Variants in CYB5R3 observed in about 807,000 individuals in gnomAD.
The protein encoded by CYB5R3 is cytochrome b5 reductase 3.
A neutral mutation model predicts 36.5 loss-of-function variants in CYB5R3; 28 were observed. The observed-to-expected ratio is 0.77, with a 90% confidence interval of 0.57 to 1.05. The LOEUF (loss-of-function observed/expected upper bound fraction) is 1.05, where lower values mean the gene tolerates loss of function less well. Ranked by LOEUF, CYB5R3 falls within the 50% of genes least tolerant of loss-of-function variation. The probability of loss-of-function intolerance (pLI) is 0.00; values close to 1 mark genes in which losing one functional copy is unlikely to be tolerated. For missense variants in CYB5R3, 474 were observed against 408.9 expected (o/e 1.16, Z -1.37); for synonymous variants, 181 against 159.8 (o/e 1.13, Z -1.00).
rs765326176 is a variant in CYB5R3 at position 42,627,607 on chromosome 22, G to A, written c.545C>T (p.Thr182Ile). 1 of 1,613,804 alleles carries A rather than the reference G, an allele frequency of 6.2e-7. No individual in the cohort carries two copies. Among genetic ancestry groups the A allele is most frequent in the Non-Finnish European group, 8.5e-7 (1 of 1,179,676 alleles). Residue 182 changes from threonine to isoleucine, a missense_variant and splice_region_variant, in exon 6 of 9, where the codon ACA becomes ATA. Coordinates refer to ENST00000352397, the MANE Select transcript of CYB5R3 (RefSeq NM_000398.7). ...VKSVGMIAGG[T>I]GITPMLQVIR... is the part of the protein sequence containing the mutation. Reference sequence around the variant, plus strand: ...CCTCAGTGGGGGGTTCCGTGTACCTGTCCCTCCCGCGATCATGCCCACAGA... The same window carrying A: ...CCTCAGTGGGGGGTTCCGTGTACCTATCCCTCCCGCGATCATGCCCACAGA...
At chr22:42,625,383 C>T (rs1164785043) in intron 7 of CYB5R3, among the ~76,000 whole-genome samples, 2 of 152,012 alleles carry the variant, frequency 1.3e-5, no homozygotes, top group Non-Finnish European at 2.9e-5. Flanking sequence ...TGGCGGGCAC[C>T]TGTAATCGCA....
chr22:42,624,976 T>C (rs1928190332), intron 7 of CYB5R3, among the ~76,000 whole-genome samples: 1 of 151,982 alleles, frequency 6.6e-6, no homozygotes, highest in Non-Finnish European at 1.5e-5. Context: ...CCTCAACACA[T>C]CCCAGGGAAC....
chr22:42,631,563 A>G, intron 2 of CYB5R3, 113 bp from the exon 3 acceptor site: 1 of 910,610 alleles, frequency 1.1e-6, no homozygotes, highest in Admixed American at 2.0e-5. Context: ...ACCCTTCCCC[A>G]GTGCCTGCTT....
intron 1 of CYB5R3, among the ~76,000 whole-genome samples, chr22:42,643,895 T>C (rs1601950824): frequency 1.3e-5 from 2 of 152,210 alleles, no homozygotes; most frequent in East Asian, 1.9e-4. Context: ...GCCCCTGAGC[T>C]GGCACTGTTC....
chr22:42,634,831 G>A (rs1470605151), intron 2 of CYB5R3, among the ~76,000 whole-genome samples: 2 of 123,794 alleles, frequency 1.6e-5, no homozygotes, highest in Non-Finnish European at 3.3e-5. Context: ...TTGAGACAGC[G>A]TCTTGCTCTG....
rs1928411262 is a variant in CYB5R3, at chr22:42,628,289, A to G, written c.334-8T>C. ...GGTGTCCTTGAAGTAAACCTGCAAG[A>G]CACCCCCGCAGCCCTCAGTCCCCAG... On this transcript the variant is annotated splice_polypyrimidine_tract_variant and splice_region_variant and intron_variant, in intron 4 of 8. Transcript: ENST00000352397. 2 of 1,613,298 alleles carry G rather than the reference A, an allele frequency of 1.2e-6. No homozygotes were observed. Among genetic ancestry groups the G allele is most frequent in the Non-Finnish European group, 1.7e-6 (2 of 1,179,620 alleles).
Position 42,631,436 on chromosome 22 carries a change from G to A in CYB5R3, c.168C>T (p.Asp56=). The A allele has an allele frequency of 6.4e-7, 1 of 1,551,656 alleles. No homozygotes were observed. The highest frequency in any genetic ancestry group is 1.2e-5 in the South Asian group (1 of 84,064). ...GCAGGGCAAAGCGGAAGCGCCGGGTGTCATGGCTGATGATCTGGAGAGAGG... is the reference window on the plus strand; with the variant it reads ...GCAGGGCAAAGCGGAAGCGCCGGGTATCATGGCTGATGATCTGGAGAGAGG... The part of the protein sequence containing the change: ...RLIDREIISH[D]TRRFRFALPS... Residue 56 remains aspartate (D), a synonymous_variant, in exon 3 of 9, where the codon GAC becomes GAT. Transcript: ENST00000352397.
chr22:42,639,557 G>A (rs1929121887), intron 1 of CYB5R3, among the ~76,000 whole-genome samples: 1 of 151,886 alleles, frequency 6.6e-6, no homozygotes, highest in Admixed American at 6.6e-5. Flanking sequence ...GAACCCAGGA[G>A]GCAGAGGTTG....
chr22:42,642,622 T>C (rs1296707172), intron 1 of CYB5R3, among the ~76,000 whole-genome samples: 1 of 152,096 alleles, frequency 6.6e-6, no homozygotes, highest in Non-Finnish European at 1.5e-5. Context: ...GTATTTTTAG[T>C]AGAGACGGGG....
At chr22:42,636,350 G>A (rs935665372) in intron 2 of CYB5R3, among the ~76,000 whole-genome samples, 1 of 152,214 alleles carries the variant, frequency 6.6e-6, no homozygotes, top group Non-Finnish European at 1.5e-5. Flanking sequence ...GTACCAGGCT[G>A]TGGGGAATGA....
chr22:42,647,378 C>G (rs1929583866), intron 1 of CYB5R3, among the ~76,000 whole-genome samples: 1 of 152,214 alleles, frequency 6.6e-6, no homozygotes, highest in South Asian at 2.1e-4. Context: ...CTTTGAGGAG[C>G]TGGGATGGGA....
intron 5 of CYB5R3, 23 bp from the exon 6 acceptor site, chr22:42,627,711 GC>G: frequency 6.4e-7 from 1 of 1,565,632 alleles, no homozygotes; most frequent in South Asian, 1.1e-5. Flanking sequence ...AAGGGGTGAG[GC>G]CCGGCCATCA....
chr22:42,640,017 C>A lies in CYB5R3; in HGVS notation c.22-3171G>T, dbSNP rs760710393. On this transcript the variant is annotated intron_variant, in intron 1 of 8. Transcript: ENST00000352397. The stretch of plus-strand genomic sequence containing the variant: ...TGCCTGTGATCTCTCTGACATAAAA[C>A]CACGTCGACACCTCAGTGGCCACCA... The A allele has an allele frequency of 8.7e-6, 14 of 1,613,066 alleles. No individual in the cohort carries two copies. In the South Asian group the frequency reaches 1.4e-4, roughly 16 times the overall value.
chr22:42,633,486 G>A (rs1928723151), intron 2 of CYB5R3: 1 of 152,150 alleles, frequency 6.6e-6, no homozygotes, highest in African/African-American at 2.4e-5. Context: ...ATTATTTCTG[G>A]AATTAAGAAA....
intron 1 of CYB5R3, among the ~76,000 whole-genome samples, chr22:42,645,588 G>A (rs1424020924): frequency 6.6e-6 from 1 of 152,096 alleles, no homozygotes; most frequent in East Asian, 1.9e-4. Flanking sequence ...TGAGAGTCAA[G>A]GACCTTCCTT....
intron 2 of CYB5R3, among the ~76,000 whole-genome samples, chr22:42,634,438 T>G (rs925337551): frequency 6.6e-6 from 1 of 152,058 alleles, no homozygotes; most frequent in Admixed American, 6.6e-5. Context: ...ATTTACTTTT[T>G]TTTGCTTTTT....
chr22:42,638,419 A>AAAAAT (rs200373318), intron 1 of CYB5R3, among the ~76,000 whole-genome samples: 1 of 138,470 alleles, frequency 7.2e-6, no homozygotes, highest in Non-Finnish European at 1.5e-5. Flanking sequence ...AAAAAAAAAA[A>AAAAAT]GTTAGCTGGT....
chr22:42,636,579 C>T lies in CYB5R3; in HGVS notation c.153+136G>A, dbSNP rs1019031985. The T allele has an allele frequency of 1.8e-5, 25 of 1,382,282 alleles. No individual in the cohort carries two copies. The East Asian group carries it at 2.8e-4, about 15-fold the overall frequency. The allele number at this position is 1,382,282 out of a possible 1,614,324, so 85.6% of individuals were successfully genotyped here. A position where few individuals can be genotyped will look rare whatever the true frequency, so the allele number is the denominator to read the frequency against. On this transcript the variant is annotated intron_variant, in intron 2 of 8. Transcript: ENST00000352397. The stretch of plus-strand genomic sequence containing the variant: ...ACTTCCTGGTGGCCTTAGCAAGAGA[C>T]ATCACCTTGCTTTCTCCATCTGTAA...
At chr22:42,639,346 G>A (rs1461910117) in intron 1 of CYB5R3, among the ~76,000 whole-genome samples, 1 of 147,178 alleles carries the variant, frequency 6.8e-6, no homozygotes, top group South Asian at 2.1e-4. Context: ...AGTGGGGGGG[G>A]ACCGGGCACG....
Sources: gnomAD v4.1 joint callset for allele counts (sites outside exome capture counted in the v4.1 genomes callset) on GRCh38, gnomAD v4.1.1 for gene constraint, MANE v1.5 for transcripts, NCBI Gene and HGNC (gene_info 2026-07-23, HGNC 2026-07-21) for gene names.